GC: variants seen among roughly 807,000 people sequenced by gnomAD.
GC encodes the protein GC vitamin D binding protein, also known as vitamin D-binding protein.
Under a neutral mutation model 56.7 loss-of-function variants are expected in GC, and 43 were observed. That is an observed-to-expected ratio of 0.76 (90% CI 0.59 to 0.98). The LOEUF is 0.98. Ranked by LOEUF, GC falls within the 50% of genes least tolerant of loss-of-function variation. GC has a pLI of 0.00. For synonymous variants in GC, 216 were observed against 202.7 expected (o/e 1.07, Z -0.56); for missense variants, 529 against 545.9 (o/e 0.97, Z 0.31).
chr4:71,796,703 G>A (rs7671887), intron 1 of GC, among the ~76,000 whole-genome samples: 17,320 of 152,108 alleles, frequency 0.11, 1,058 homozygotes, highest in African/African-American at 0.13. Flanking sequence ...ACTTTTTTCC[G>A]TTGCTGGCGA....
At chr4:71,764,044 T>C in intron 4 of GC, 108 bp from the exon 5 acceptor site, 1 of 803,978 alleles carries the variant, frequency 1.2e-6, no homozygotes, top group Non-Finnish European at 2.1e-6. Flanking sequence ...GTACATGGTA[T>C]AATCATAGCT....
chr4:71,751,900 T>C (rs1321219440), intron 11 of GC, among the ~76,000 whole-genome samples: 4 of 152,170 alleles, frequency 2.6e-5, no homozygotes. Flanking sequence ...AGAAAATAAC[T>C]CTTATAGTAA....
chr4:71,764,041 G>T, intron 4 of GC, 105 bp from the exon 5 acceptor site: 1 of 833,646 alleles, frequency 1.2e-6, no homozygotes, highest in Non-Finnish European at 2.0e-6. Flanking sequence ...GGAGTACATG[G>T]TATAATCATA....
chr4:71,770,883 T>C (rs1370431690), intron 1 of GC, among the ~76,000 whole-genome samples: 1 of 152,168 alleles, frequency 6.6e-6, no homozygotes, highest in East Asian at 1.9e-4. Context: ...CAGTACCTGC[T>C]CTTGAGTTCA....
chr4:71,748,147 A>C lies in GC; in HGVS notation c.1396-1942T>G, dbSNP rs181575962. ...AGGGGGAATTAAAATATTAATTAACATCTAGAATTGTTTTGGGTTATTCTA... is the reference window on the plus strand; with the variant it reads ...AGGGGGAATTAAAATATTAATTAACCTCTAGAATTGTTTTGGGTTATTCTA... On this transcript the variant is annotated intron_variant, in intron 11 of 12. Coordinates refer to ENST00000273951, the MANE Select transcript of GC (RefSeq NM_000583.4). 5.6e-4 allele frequency among the ~76,000 whole-genome samples: 86 copies of C among 152,308 alleles called. 1 individual carries two copies. The highest frequency in any genetic ancestry group is 1.5e-4 in the Non-Finnish European group (10 of 68,006).
At chr4:71,799,276 C>T (rs575820840) in intron 1 of GC, among the ~76,000 whole-genome samples, 3 of 152,136 alleles carry the variant, frequency 2.0e-5, no homozygotes, top group Non-Finnish European at 4.4e-5. Flanking sequence ...TTCTTGCCTC[C>T]CAGCTCAGCG....
intron 1 of GC, among the ~76,000 whole-genome samples, chr4:71,794,303 G>A (rs1578323757): frequency 1.3e-5 from 2 of 152,216 alleles, no homozygotes; most frequent in African/African-American, 4.8e-5. Flanking sequence ...TATTTGTTTG[G>A]TAAGCTATTA....
intron 8 of GC, 60 bp downstream of exon 8, chr4:71,756,652 C>T: frequency 1.7e-6 from 2 of 1,185,762 alleles, no homozygotes; most frequent in Non-Finnish European, 2.5e-6. Flanking sequence ...CTGGCTGGCC[C>T]CCACTTTTTG....
intron 6 of GC, among the ~76,000 whole-genome samples, chr4:71,758,660 C>A (rs1240842007): frequency 6.6e-6 from 1 of 152,050 alleles, no homozygotes; most frequent in Non-Finnish European, 1.5e-5. Context: ...GTATGCTATA[C>A]TATTCTCATA....
intron 6 of GC, among the ~76,000 whole-genome samples, chr4:71,758,685 T>A (rs1433082052): frequency 6.6e-6 from 1 of 152,202 alleles, no homozygotes; most frequent in African/African-American, 2.4e-5. Context: ...CCTTTTTCAC[T>A]TAATATACCA....
At chr4:71,770,803 G>T (rs1742319091) in intron 1 of GC, among the ~76,000 whole-genome samples, 1 of 152,132 alleles carries the variant, frequency 6.6e-6, no homozygotes, top group Non-Finnish European at 1.5e-5. Flanking sequence ...AAACATTTTT[G>T]ACTATTAAAT....
intron 1 of GC, among the ~76,000 whole-genome samples, chr4:71,775,032 C>CCTT (rs1560705441): frequency 1.4e-5 from 2 of 138,760 alleles, no homozygotes. Context: ...TTCCCCGGCC[C>CCTT]TTTTTTTTTT....
chr4:71,760,848 T>G (rs975304905), intron 6 of GC, among the ~76,000 whole-genome samples: 2 of 152,212 alleles, frequency 1.3e-5, no homozygotes, highest in Non-Finnish European at 2.9e-5. Context: ...GATTTGCTCC[T>G]CCTTGCCTTC....
At chr4:71,793,106 C>G (rs1354363986) in intron 1 of GC, among the ~76,000 whole-genome samples, 2 of 152,096 alleles carry the variant, frequency 1.3e-5, no homozygotes, top group Non-Finnish European at 2.9e-5. Flanking sequence ...ATTCTTCCAG[C>G]TTTGTTCTTT....
intron 1 of GC, among the ~76,000 whole-genome samples, chr4:71,794,877 C>G (rs965117159): frequency 3.3e-5 from 5 of 152,130 alleles, no homozygotes; most frequent in African/African-American, 1.2e-4. Flanking sequence ...TCATTGGTTT[C>G]AAAGAACATC....
intron 11 of GC, among the ~76,000 whole-genome samples, chr4:71,746,766 A>G (rs1177944150): frequency 3.8e-5 from 2 of 53,072 alleles, no homozygotes; most frequent in Non-Finnish European, 6.8e-5. Context: ...AAATACCTCT[A>G]TTTTGTAAAA....
chr4:71,743,022 T>C (rs776187168), intron 12 of GC, among the ~76,000 whole-genome samples: 9 of 152,032 alleles, frequency 5.9e-5, no homozygotes, highest in Admixed American at 1.3e-4. Flanking sequence ...TCTCCAAAAG[T>C]GCATGCAAGT....
chr4:71,790,158 T>C (rs1578321017), intron 1 of GC, among the ~76,000 whole-genome samples: 1 of 152,040 alleles, frequency 6.6e-6, no homozygotes, highest in East Asian at 1.9e-4. Context: ...CGAAATCTGT[T>C]TTGTCTAATA....
At chr4:71,752,795 G>A in intron 10 of GC, 145 bp from the exon 11 acceptor site, 1 of 668,392 alleles carries the variant, frequency 1.5e-6, no homozygotes, top group Non-Finnish European at 2.5e-6. Context: ...CTATACCTGT[G>A]GTATAGAATA....
Sources: allele counts gnomAD v4.1 joint callset (sites outside exome capture counted in the v4.1 genomes callset), GRCh38; gene constraint gnomAD v4.1.1; transcripts MANE v1.5; gene names NCBI Gene and HGNC (gene_info 2026-07-23, HGNC 2026-07-21).